Variants in ANXA4 observed in about 807,000 individuals in gnomAD.
ANXA4 encodes the protein annexin A4.
In ANXA4, 39 loss-of-function variants were observed where a neutral mutation model predicts 49.8. That is an observed-to-expected ratio of 0.78 (90% CI 0.61 to 1.02). ANXA4 has a LOEUF of 1.02. Among genes scored for constraint, ANXA4 ranks in the 50% least tolerant of loss-of-function variants. The probability of loss-of-function intolerance (pLI) is 0.00; values close to 1 mark genes in which losing one functional copy is unlikely to be tolerated. For synonymous variants in ANXA4, 134 were observed against 152.5 expected (o/e 0.88, Z 0.89); for missense variants, 360 against 410.1 (o/e 0.88, Z 1.05).
Position 69,807,954 on chromosome 2 carries a change from A to G in ANXA4, c.355A>G (p.Thr119Ala). 6.2e-7 allele frequency: 1 copy of G among 1,614,028 alleles called. No homozygotes were observed. Among genetic ancestry groups the G allele is most frequent in the Non-Finnish European group, 8.5e-7 (1 of 1,179,996 alleles). ...CCTAATTGAGATCCTGGCCTCCCGGACCCCTGAGGAGATCCGGCGCATAAG... is the reference window on the plus strand; with the variant it reads ...CCTAATTGAGATCCTGGCCTCCCGGGCCCCTGAGGAGATCCGGCGCATAAG... ...GCLIEILASR[T>A]PEEIRRISQT... The change falls in exon 6 of 13, where the codon ACC becomes GCC. Residue 119 changes from threonine to alanine, a missense_variant. Transcript: ENST00000394295.
chr2:69,779,916 C>CT (rs1278243935), intron 1 of ANXA4, among the ~76,000 whole-genome samples: 1 of 152,164 alleles, frequency 6.6e-6, no homozygotes, highest in Non-Finnish European at 1.5e-5. Context: ...TGGTTCTCCC[C>CT]TTAGTTGAAC....
chr2:69,818,599 T>C lies in ANXA4; in HGVS notation c.629T>C (p.Val210Ala), dbSNP rs1326728918. 1 of 1,582,154 alleles carries C rather than the reference T, an allele frequency of 6.3e-7. No homozygotes were observed. Among genetic ancestry groups the C allele is most frequent in the East Asian group, 2.3e-5 (1 of 44,194 alleles). ...CSRNRNHLLH[V>A]FDEYKRISQK... ...AATACTATTTTGTTATTGTCTGCAG[T>C]GTTTGATGAATACAAAAGGATATCA... The change falls in exon 10 of 13, where the codon GTG becomes GCG. Residue 210 changes from valine (V) to alanine (A), a missense_variant and splice_region_variant. Transcript: ENST00000394295.
At chr2:69,756,401 G>A (rs993158824) in intron 1 of ANXA4, among the ~76,000 whole-genome samples, 1 of 152,126 alleles carries the variant, frequency 6.6e-6, no homozygotes, top group African/African-American at 2.4e-5. Context: ...AAAATGAAAG[G>A]GGTGGGAGAA....
chr2:69,804,579 C>T lies in ANXA4; in HGVS notation c.144C>T (p.Thr48=), dbSNP rs925335717. 2.8e-5 allele frequency: 45 copies of T among 1,613,746 alleles called. No individual in the cohort carries two copies. The highest frequency in any genetic ancestry group is 3.6e-5 in the Non-Finnish European group (43 of 1,179,914). ...TTAGCGTCCTTGCCTACCGCAACAC[C>T]GCCCAGCGCCAGGAGATCAGGACAG... is the stretch of plus-strand genomic sequence containing the variant. ...AIISVLAYRN[T]AQRQEIRTAY... The change falls in exon 4 of 13, where the codon ACC becomes ACT. Residue 48 remains threonine, a synonymous_variant. Transcript: ENST00000394295.
chr2:69,652,433 T>A (rs1676287048), intron 1 of ANXA4, among the ~76,000 whole-genome samples: 1 of 152,244 alleles, frequency 6.6e-6, no homozygotes, highest in South Asian at 2.1e-4. Context: ...TGAGTCAATC[T>A]TTTTCTTTTA....
At chr2:69,699,759 T>C (rs1481609359) in intron 2 of ANXA4, among the ~76,000 whole-genome samples, 3 of 152,174 alleles carry the variant, frequency 2.0e-5, no homozygotes, top group African/African-American at 7.2e-5. Flanking sequence ...AGATGCAGGT[T>C]GAGGTGCCAG....
rs188493520 is a variant in ANXA4, at chr2:69,764,128, A to G, written c.-46-17392A>G. 4.9e-3 allele frequency among the ~76,000 whole-genome samples: 740 copies of G among 152,320 alleles called. 7 individuals carry two copies. The highest frequency in any genetic ancestry group is 7.6e-3 in the Admixed American group (117 of 15,304). ...GACTGAAGGGGCCTAAGTGCAGATG[A>G]GAATCCCTGGTGATAGAACAGACAA... On this transcript the variant is annotated intron_variant, in intron 1 of 12. Transcript: ENST00000394295.
chr2:69,681,628 G>A (rs907383250), intron 2 of ANXA4, among the ~76,000 whole-genome samples: 5 of 151,960 alleles, frequency 3.3e-5, no homozygotes, highest in Non-Finnish European at 7.4e-5. Flanking sequence ...CTCTGTGCCC[G>A]GCCCATTTCT....
At chr2:69,668,334 C>T (rs536818573) in intron 2 of ANXA4, among the ~76,000 whole-genome samples, 61 of 152,156 alleles carry the variant, frequency 4.0e-4, no homozygotes, top group African/African-American at 1.4e-3. Flanking sequence ...GTATGATATA[C>T]GGCATGGTGG....
chr2:69,810,547 G>T, intron 6 of ANXA4, 47 bp from the exon 7 acceptor site: 1 of 1,521,460 alleles, frequency 6.6e-7, no homozygotes, highest in Non-Finnish European at 9.1e-7. Context: ...ACAGGGCATT[G>T]GGCAAGACTC....
At chr2:69,788,232 G>A (rs555453994) in intron 3 of ANXA4, 91 bp downstream of exon 3, 1 of 1,192,410 alleles carries the variant, frequency 8.4e-7, no homozygotes, top group East Asian at 2.4e-5. Flanking sequence ...CCATCACGTG[G>A]GTCTTCCTTT....
At chr2:69,660,434 G>GA (rs1450080424) in intron 2 of ANXA4, among the ~76,000 whole-genome samples, 1 of 151,680 alleles carries the variant, frequency 6.6e-6, no homozygotes, top group Admixed American at 6.6e-5. Context: ...TAAAACACAA[G>GA]AAAAAAATCA....
At chr2:69,775,111 C>T (rs148772297) in intron 1 of ANXA4, among the ~76,000 whole-genome samples, 9 of 152,316 alleles carry the variant, frequency 5.9e-5, no homozygotes, top group African/African-American at 9.6e-5. Context: ...ACACTATACC[C>T]TGTGGTTTCA....
chr2:69,755,279 C>T (rs1168647412), intron 1 of ANXA4, among the ~76,000 whole-genome samples: 1 of 152,138 alleles, frequency 6.6e-6, no homozygotes, highest in African/African-American at 2.4e-5. Flanking sequence ...GTGATTGTTG[C>T]AAGACATTGT....
intron 2 of ANXA4, chr2:69,720,747 C>A (rs1669793240): frequency 6.6e-6 from 1 of 152,176 alleles, no homozygotes; most frequent in African/African-American, 2.4e-5. Context: ...GAGGAGGGGT[C>A]CAAATGTCAC....
chr2:69,799,816 A>C (rs1673110371), intron 3 of ANXA4, among the ~76,000 whole-genome samples: 2 of 152,180 alleles, frequency 1.3e-5, no homozygotes, highest in African/African-American at 4.8e-5. Context: ...ATTTGGGTAA[A>C]AACACTTGAC....
intron 1 of ANXA4, among the ~76,000 whole-genome samples, chr2:69,745,055 G>A (rs1417160676): frequency 6.6e-6 from 1 of 151,982 alleles, no homozygotes; most frequent in Admixed American, 6.6e-5. Flanking sequence ...CTATGATTGT[G>A]CCACTGCACT....
At chr2:69,770,930 T>TAAAA (rs34710767) in intron 1 of ANXA4, among the ~76,000 whole-genome samples, 27 of 141,620 alleles carry the variant, frequency 1.9e-4, no homozygotes, top group East Asian at 1.0e-3. Flanking sequence ...CTAGAAAATT[T>TAAAA]AAAAAAAAAA....
At position 69,781,579 on chromosome 2, in the gene ANXA4, G is replaced by A; in HGVS notation, c.9+5G>A. The A allele has an allele frequency of 6.2e-7, 1 of 1,614,050 alleles. No individual in the cohort carries two copies. The highest frequency in any genetic ancestry group is 1.1e-5 in the South Asian group (1 of 91,040). On this transcript the variant is annotated splice_donor_5th_base_variant and intron_variant, in intron 2 of 12. Transcript: ENST00000394295. ...TGACCTAGAGTCATGGCCATGGTAA[G>A]TTGTGAAATACCTCAACCCTATCTG... is the stretch of plus-strand genomic sequence containing the variant.
Sources: gnomAD v4.1 joint callset for allele counts (sites outside exome capture counted in the v4.1 genomes callset) on GRCh38, gnomAD v4.1.1 for gene constraint, MANE v1.5 for transcripts, NCBI Gene and HGNC (gene_info 2026-07-23, HGNC 2026-07-21) for gene names.